Variants in OTUD4 observed in about 807,000 individuals in gnomAD.
OTUD4 encodes OTU deubiquitinase 4.
Under a neutral mutation model 130.4 loss-of-function variants are expected in OTUD4, and 24 were observed. That is an observed-to-expected ratio of 0.18 (90% CI 0.13 to 0.26). The LOEUF is 0.26. Among genes scored for constraint, OTUD4 ranks in the 10% least tolerant of loss-of-function variants. The pLI is 1.00. For missense variants in OTUD4, 1,031 were observed against 1,329.4 expected, an observed-to-expected ratio of 0.78 and a Z score of 3.49; for synonymous variants, 420 against 472.5, an observed-to-expected ratio of 0.89 and a Z score of 1.44.
chr4:145,150,453 C>T, intron 13 of OTUD4, 60 bp downstream of exon 13: 1 of 1,152,578 alleles, frequency 8.7e-7, no homozygotes, highest in Non-Finnish European at 1.3e-6. Flanking sequence ...CATAATGTGG[C>T]AAATATAACA....
Position 145,137,761 on chromosome 4 carries a change from A to C in OTUD4, c.3014T>G (p.Val1005Gly). Reference protein sequence around the residue: ...VKDPKTAADVVSPGANSVDSR... With the variant: ...VKDPKTAADVGSPGANSVDSR... The stretch of plus-strand genomic sequence containing the variant: ...ATCAACAGAGTTGGCCCCAGGGCTG[A>C]CCACATCAGCAGCAGTCTTAGGATC... The change falls in exon 21 of 21, where the codon GTC becomes GGC. Residue 1005 changes from valine (V) to glycine (G), a missense_variant. Transcript: ENST00000447906. The C allele has an allele frequency of 6.2e-7, 1 of 1,614,044 alleles. No individual in the cohort carries two copies. Among genetic ancestry groups the C allele is most frequent in the Non-Finnish European group, 8.5e-7 (1 of 1,179,994 alleles).
chr4:145,155,099 C>T (rs1454897521), intron 10 of OTUD4, among the ~76,000 whole-genome samples: 1 of 152,114 alleles, frequency 6.6e-6, no homozygotes, highest in Non-Finnish European at 1.5e-5. Flanking sequence ...AATTTCAGTC[C>T]ATTTTAACAA....
In OTUD4 at chr4:145,135,676, C is replaced by G. The variant is rs572517676; in HGVS notation, c.*1754G>C. ...CTCTCAAGAAAAGTTTTCCACACAA[C>G]CATCCCAGTCTTTACAATTTTTTAC... On this transcript the variant is annotated 3_prime_UTR_variant, in exon 21 of 21. Coordinates refer to ENST00000447906, the MANE Select transcript of OTUD4 (RefSeq NM_001366057.1). The G allele has an allele frequency of 2.7e-4, 42 of 152,742 alleles. 1 individual carries two copies. The highest frequency in any genetic ancestry group is 2.3e-3 in the Admixed American group (35 of 15,302). 9.5% of individuals were successfully genotyped at this position (152,742 alleles called of 1,614,324 possible). A position where few individuals can be genotyped will look rare whatever the true frequency, so the allele number is the denominator to read the frequency against.
At chr4:145,160,181 T>C (rs1450787245) in intron 6 of OTUD4, among the ~76,000 whole-genome samples, 1 of 152,204 alleles carries the variant, frequency 6.6e-6, no homozygotes, top group African/African-American at 2.4e-5. Flanking sequence ...TCAGAAGACT[T>C]GGATGCTAGT....
chr4:145,142,117 C>G, intron 18 of OTUD4, 79 bp downstream of exon 18: 1 of 1,302,562 alleles, frequency 7.7e-7, no homozygotes, highest in Non-Finnish European at 1.1e-6. Context: ...GCTCAGAGGT[C>G]AAACTTCCAC....
At chr4:145,150,736 T>C in intron 12 of OTUD4, 37 bp from the exon 13 acceptor site, 1 of 1,607,770 alleles carries the variant, frequency 6.2e-7, no homozygotes, top group Non-Finnish European at 8.5e-7. Flanking sequence ...ATAATATTCA[T>C]ATTATAAACA....
intron 13 of OTUD4, chr4:145,149,501 C>T (rs952813280): frequency 2.6e-5 from 4 of 152,156 alleles, no homozygotes; most frequent in Non-Finnish European, 4.4e-5. Flanking sequence ...GTCTTGAAGA[C>T]GCTACATAAA....
At chr4:145,179,755 C>T in intron 1 of OTUD4, 60 bp downstream of exon 1, 1 of 1,447,438 alleles carries the variant, frequency 6.9e-7, no homozygotes, top group Non-Finnish European at 9.1e-7. Flanking sequence ...GCCTCCCCAC[C>T]CAGACCCGCC....
Position 145,170,524 on chromosome 4 carries a change from T to A in OTUD4, c.294+1146A>T, listed in dbSNP as rs569490705. Reference sequence around the variant, plus strand: ...ACCCAGCTAGAAATAACACTTTGAATGCCTACAGCATCACAGCTATATACC... The same window carrying A: ...ACCCAGCTAGAAATAACACTTTGAAAGCCTACAGCATCACAGCTATATACC... On this transcript the variant is annotated intron_variant, in intron 3 of 20. Coordinates refer to ENST00000447906, the MANE Select transcript of OTUD4 (RefSeq NM_001366057.1). 3.9e-5 allele frequency among the ~76,000 whole-genome samples: 6 copies of A among 152,384 alleles called. No individual in the cohort carries two copies. The South Asian group carries it at 1.2e-3, about 32-fold the overall frequency.
intron 13 of OTUD4, 71 bp from the exon 14 acceptor site, chr4:145,146,500 T>TC (rs1750834096): frequency 1.1e-6 from 1 of 888,532 alleles, no homozygotes; most frequent in African/African-American, 1.9e-5. Context: ...AACATTCTTG[T>TC]CAAAAAAAAA....
chr4:145,167,539 A>G (rs1309588410), intron 3 of OTUD4, among the ~76,000 whole-genome samples: 2 of 152,198 alleles, frequency 1.3e-5, no homozygotes, highest in South Asian at 4.1e-4. Flanking sequence ...ATTTTTATAC[A>G]AGAAGTATTA....
At chr4:145,155,310 C>CA in intron 10 of OTUD4, 101 bp downstream of exon 10, 1 of 889,872 alleles carries the variant, frequency 1.1e-6, no homozygotes, top group Non-Finnish European at 1.8e-6. Flanking sequence ...TCTGAAATCC[C>CA]AAATTAACAA....
rs377091241 is a variant in OTUD4 at position 145,146,024 on chromosome 4, A to T, written c.1422+243T>A. On this transcript the variant is annotated intron_variant, in intron 14 of 20. Coordinates refer to ENST00000447906, the MANE Select transcript of OTUD4 (RefSeq NM_001366057.1). The stretch of plus-strand genomic sequence containing the variant: ...AGTTCAAAAGAAAACACGAAACACT[A>T]CAAGTGAACAAACCAGTTTACTTGC... 11 of 293,626 alleles carry T rather than the reference A, an allele frequency of 3.7e-5. No individual in the cohort carries two copies. In the South Asian group the frequency reaches 7.3e-4, roughly 20 times the overall value. 18.2% of individuals were successfully genotyped at this position (293,626 alleles called of 1,614,324 possible). A position where few individuals can be genotyped will look rare whatever the true frequency, so the allele number is the denominator to read the frequency against.
At chr4:145,164,008 A>G (rs1159411153) in intron 5 of OTUD4, 146 bp downstream of exon 5, 1 of 511,736 alleles carries the variant, frequency 2.0e-6, no homozygotes, top group Non-Finnish European at 3.6e-6. Flanking sequence ...GCACCCGGCT[A>G]TAGGAACTTT....
At position 145,150,892 on chromosome 4, in the gene OTUD4, T is replaced by A; in HGVS notation, c.982A>T (p.Asn328Tyr). The change falls in exon 12 of 21, where the codon AAC (asparagine) becomes TAC (tyrosine). Residue 328 changes from asparagine to tyrosine, a missense_variant. Transcript: ENST00000447906. The stretch of plus-strand genomic sequence containing the variant: ...CTTTCTGGGGGAGGTGCCTTGAGGT[T>A]CTTTGATGTGTGCCTTCAAAGGGGA... Reference protein sequence around the residue: ...EELGKKHTSKNLKAPPPESWN... With the variant: ...EELGKKHTSKYLKAPPPESWN... 1 of 1,612,676 alleles carries A rather than the reference T, an allele frequency of 6.2e-7. No homozygotes were observed. Among genetic ancestry groups the A allele is most frequent in the East Asian group, 2.2e-5 (1 of 44,850 alleles).
intron 20 of OTUD4, among the ~76,000 whole-genome samples, chr4:145,139,314 G>A (rs1031856229): frequency 1.3e-5 from 2 of 152,160 alleles, no homozygotes; most frequent in African/African-American, 4.8e-5. Context: ...CAGGCTAAAG[G>A]TAGGGCACTT....
In OTUD4 at chr4:145,137,935, T is replaced by C; in HGVS notation, c.2840A>G (p.Asp947Gly). 5 of 1,614,210 alleles carry C rather than the reference T, an allele frequency of 3.1e-6. No individual in the cohort carries two copies. Among genetic ancestry groups the C allele is most frequent in the Non-Finnish European group, 4.2e-6 (5 of 1,180,044 alleles). Reference protein sequence around the residue: ...TEQSSQTRKADTALASIPPVA... With the variant: ...TEQSSQTRKAGTALASIPPVA... ...AGGAGGGATGGAAGCCAATGCCGTA[T>C]CTGCCTTTCGTGTCTGGGAAGATTG... The change falls in exon 21 of 21, where the codon GAT (aspartate) becomes GGT (glycine). Residue 947 changes from aspartate (D) to glycine (G), a missense_variant. Physicochemically the swap from Asp to Gly is moderately conservative, Grantham distance 94. Around this residue, in one of 3 missense-constraint regions of OTUD4, gnomAD observed 900 missense variants for 1,095.9 expected, o/e 0.82. Coordinates refer to ENST00000447906, the MANE Select transcript of OTUD4 (RefSeq NM_001366057.1).
At position 145,135,888 on chromosome 4, in the gene OTUD4, C is replaced by G. The variant is rs1315747513; in HGVS notation, c.*1542G>C. 6.6e-6 allele frequency: 1 copy of G among 152,636 alleles called. No individual in the cohort carries two copies. Among genetic ancestry groups the G allele is most frequent in the African/African-American group, 2.4e-5 (1 of 41,454 alleles). The allele number at this position is 152,636 out of a possible 1,614,324, so 9.5% of individuals were successfully genotyped here. A position where few individuals can be genotyped will look rare whatever the true frequency, so the allele number is the denominator to read the frequency against. On this transcript the variant is annotated 3_prime_UTR_variant, in exon 21 of 21. Transcript: ENST00000447906. ...CTAGCCCAACTGGCATCCAAACATTCCCATAGGTTATCAGAGAACCCAGAA... is the reference window on the plus strand; with the variant it reads ...CTAGCCCAACTGGCATCCAAACATTGCCATAGGTTATCAGAGAACCCAGAA...
intron 5 of OTUD4, 146 bp from the exon 6 acceptor site, chr4:145,162,867 G>T: frequency 2.1e-6 from 1 of 477,484 alleles, no homozygotes; most frequent in Non-Finnish European, 3.8e-6. Context: ...CTTCAGTGTT[G>T]TCAAGCTACA....
Sources: gnomAD v4.1 joint callset for allele counts (sites outside exome capture counted in the v4.1 genomes callset) on GRCh38, gnomAD v4.1.1 for gene constraint, gnomAD v4.1.1 regional missense constraint, MANE v1.5 for transcripts, NCBI Gene and HGNC (gene_info 2026-07-23, HGNC 2026-07-21) for gene names.